SERPINA11: variants seen among roughly 807,000 people sequenced by gnomAD.
SERPINA11 encodes serpin A11.
SERPINA11 carries 28 observed loss-of-function variants against 29.4 expected under a neutral mutation model. That is an observed-to-expected ratio of 0.95 (90% CI 0.70 to 1.30). The LOEUF is 1.30. Among genes scored for constraint, SERPINA11 ranks in the 50% most tolerant of loss-of-function variants. The pLI is 0.00. For synonymous variants in SERPINA11, 253 were observed against 206.6 expected, an observed-to-expected ratio of 1.22 and a Z score of -1.92; for missense variants, 530 against 507.3, an observed-to-expected ratio of 1.04 and a Z score of -0.43.
chr14:94,448,610 G>A lies in SERPINA11; in HGVS notation c.165C>T (p.Thr55=). ...PAYHRITPTI[T]NFALRLYKEL... ...CTTTATACAAACGCAAAGCAAAATT[G>A]GTAATGGTGGGTGTGATTCTGTGGT... Residue 55 remains threonine (T), a synonymous_variant, in exon 2 of 5, where the codon ACC becomes ACT. Coordinates refer to ENST00000334708, the MANE Select transcript of SERPINA11 (RefSeq NM_001080451.2). 1.2e-6 allele frequency: 2 copies of A among 1,613,240 alleles called. No individual in the cohort carries two copies. The highest frequency in any genetic ancestry group is 1.1e-5 in the South Asian group (1 of 91,042).
chr14:94,442,573 T>G lies in SERPINA11; in HGVS notation c.*33A>C. 4.3e-4 allele frequency: 645 copies of G among 1,508,688 alleles called. No homozygotes were observed. The highest frequency in any genetic ancestry group is 5.2e-4 in the Non-Finnish European group (576 of 1,099,904). The allele number at this position is 1,508,688 out of a possible 1,614,324, so 93.5% of individuals were successfully genotyped here. ...TCTGGCCTATCTGTTTGGTCCAGGA[T>G]GAGATAAGATAACTCCTGGCCTCCC... On this transcript the variant is annotated 3_prime_UTR_variant, in exon 5 of 5. Transcript: ENST00000334708.
Position 94,442,553 on chromosome 14 carries a change from CCTAT to C in SERPINA11, c.*49_*52del, listed in dbSNP as rs1898360746. On this transcript the variant is annotated 3_prime_UTR_variant, in exon 5 of 5. Transcript: ENST00000334708. ...GCCCCAGGATGCAGGCTGGTTCTGG[CCTAT>C]CTGTTTGGTCCAGGATGAGATAAGA... The C allele has an allele frequency of 1.5e-6, 2 of 1,365,900 alleles. No individual in the cohort carries two copies. The highest frequency in any genetic ancestry group is 2.5e-5 in the East Asian group (1 of 40,558). 84.6% of individuals were successfully genotyped at this position (1,365,900 alleles called of 1,614,324 possible).
rs1406364002 is a variant in SERPINA11 at position 94,452,739 on chromosome 14, C to A, written c.-14G>T. On this transcript the variant is annotated 5_prime_UTR_variant, in exon 1 of 5. Transcript: ENST00000334708. The stretch of plus-strand genomic sequence containing the variant: ...AGGCAAAGTACTTACAGAGCAAAGG[C>A]ACTGAGCAGGGGCCCAGGTCTTCAG... The A allele has an allele frequency of 6.6e-6, 1 of 152,248 alleles. No individual in the cohort carries two copies. The highest frequency in any genetic ancestry group is 6.6e-5 in the Admixed American group (1 of 15,260). 9.4% of individuals were successfully genotyped at this position (152,248 alleles called of 1,614,324 possible). A position where few individuals can be genotyped will look rare whatever the true frequency, so the allele number is the denominator to read the frequency against.
intron 1 of SERPINA11, among the ~76,000 whole-genome samples, chr14:94,449,406 ATTCT>A (rs869124586): frequency 0.075 from 2,987 of 39,908 alleles, 26 homozygotes; most frequent in Non-Finnish European, 0.085. Context: ...CTTTCTTTCT[ATTCT>A]TTCTTTCTTT....
intron 3 of SERPINA11, among the ~76,000 whole-genome samples, chr14:94,445,475 A>G (rs1012713152): frequency 6.6e-6 from 1 of 152,236 alleles, no homozygotes; most frequent in Non-Finnish European, 1.5e-5. Context: ...GAGATCACAT[A>G]AAACAGGAAC....
Position 94,446,556 on chromosome 14 carries a change from CT to C in SERPINA11, c.691del (p.Ser231ValfsTer14). On this transcript the variant is annotated frameshift_variant, in exon 3 of 5. Coordinates refer to ENST00000334708, the MANE Select transcript of SERPINA11 (RefSeq NM_001080451.2). LOFTEE classifies it high-confidence loss of function. ...FSRYQTQKQE[S>X]FFVDERTSLQ... The stretch of plus-strand genomic sequence containing the variant: ...AGAAGTCCTCTCATCCACAAAGAAA[CT>C]TTCCTGCTTCTGGGTCTGGTAGCGA... The C allele has an allele frequency of 6.2e-7, 1 of 1,614,204 alleles. No individual in the cohort carries two copies. Among genetic ancestry groups the C allele is most frequent in the Middle Eastern group, 1.6e-4 (1 of 6,062 alleles).
intron 3 of SERPINA11, among the ~76,000 whole-genome samples, chr14:94,443,457 C>T (rs1898381266): frequency 6.6e-6 from 1 of 152,180 alleles, no homozygotes; most frequent in African/African-American, 2.4e-5. Flanking sequence ...GGACTCCAGG[C>T]ACAGCTACCT....
chr14:94,448,333 T>G lies in SERPINA11; in HGVS notation c.442A>C (p.Lys148Gln), dbSNP rs769570476. The G allele has an allele frequency of 1.2e-6, 2 of 1,614,232 alleles. No homozygotes were observed. The highest frequency in any genetic ancestry group is 2.2e-5 in the South Asian group (2 of 91,084). ...CTGTCCAAATAGTGCTGCCGAGGCT[T>G]TAGTCGCTTGTCTAGGAACAGGGAG... ...GNSLFLDKRL[K>Q]PRQHYLDSIK... The change falls in exon 2 of 5, where the codon AAG becomes CAG. Residue 148 changes from lysine (K) to glutamine (Q), a missense_variant. Lys to Gln is a moderately conservative substitution (Grantham distance 53). Coordinates refer to ENST00000334708, the MANE Select transcript of SERPINA11 (RefSeq NM_001080451.2).
In SERPINA11 at chr14:94,448,623, G is replaced by A; in HGVS notation, c.152C>T (p.Thr51Ile). The change falls in exon 2 of 5, where the codon ACA becomes ATA. Residue 51 changes from threonine (T) to isoleucine (I), a missense_variant. Physicochemically the swap from Thr to Ile is moderately conservative, Grantham distance 89. Transcript: ENST00000334708. ...CAAAGCAAAATTGGTAATGGTGGGT[G>A]TGATTCTGTGGTAGGCGGGGGCTGG... ...SEPAPAYHRI[T>I]PTITNFALRL... The A allele has an allele frequency of 5.0e-6, 8 of 1,611,082 alleles. No individual in the cohort carries two copies. The highest frequency in any genetic ancestry group is 5.9e-6 in the Non-Finnish European group (7 of 1,177,676).
chr14:94,445,485 C>A (rs1898416369), intron 3 of SERPINA11, among the ~76,000 whole-genome samples: 1 of 152,140 alleles, frequency 6.6e-6, no homozygotes, highest in African/African-American at 2.4e-5. Context: ...AAAACAGGAA[C>A]TTTAATGTTT....
chr14:94,446,709 C>T, intron 2 of SERPINA11, 105 bp from the exon 3 acceptor site: 1 of 1,164,384 alleles, frequency 8.6e-7, no homozygotes, highest in Non-Finnish European at 1.2e-6. Flanking sequence ...AAGTATGTGG[C>T]AAAAAATGTG....
chr14:94,449,790 G>A (rs1334833805), intron 1 of SERPINA11, among the ~76,000 whole-genome samples: 1 of 152,072 alleles, frequency 6.6e-6, no homozygotes, highest in Non-Finnish European at 1.5e-5. Flanking sequence ...CTATATATGT[G>A]ATGACAAATT....
intron 1 of SERPINA11, among the ~76,000 whole-genome samples, chr14:94,451,350 A>G (rs767781499): frequency 6.6e-6 from 1 of 152,200 alleles, no homozygotes; most frequent in Non-Finnish European, 1.5e-5. Context: ...TTTCTCCAGC[A>G]CAGTGTGGGT....
intron 3 of SERPINA11, among the ~76,000 whole-genome samples, chr14:94,444,029 T>G (rs1340869859): frequency 6.6e-6 from 1 of 152,192 alleles, no homozygotes; most frequent in African/African-American, 2.4e-5. Flanking sequence ...GAATTCAGGT[T>G]AGAGAATCGT....
rs1224619201 is a variant in SERPINA11, at chr14:94,446,396, C to G, written c.852G>C (p.Met284Ile). 6.2e-7 allele frequency: 1 copy of G among 1,614,066 alleles called. No homozygotes were observed. Among genetic ancestry groups the G allele is most frequent in the African/African-American group, 1.3e-5 (1 of 74,944 alleles). Residue 284 changes from methionine to isoleucine, a missense_variant, in exon 3 of 5, where the codon ATG (methionine) becomes ATC (isoleucine). Physicochemically the swap from Met to Ile is conservative, Grantham distance 10. Coordinates refer to ENST00000334708, the MANE Select transcript of SERPINA11 (RefSeq NM_001080451.2). ...GCTGCAGAGCAGCCTCCACCTGCTT[C>G]ATTTTCCCCGGGTCAGGGAGGACCA... ...ALLVLPDPGK[M>I]KQVEAALQPQ...
intron 1 of SERPINA11, among the ~76,000 whole-genome samples, chr14:94,450,682 CTTTAT>C (rs1898570897): frequency 6.6e-6 from 1 of 152,146 alleles, no homozygotes; most frequent in South Asian, 2.1e-4. Flanking sequence ...ATCTCTTGTG[CTTTAT>C]TTTAAGTTAC....
chr14:94,448,927 T>C (rs756117976), intron 1 of SERPINA11, 150 bp from the exon 2 acceptor site: 4 of 628,254 alleles, frequency 6.4e-6, no homozygotes, highest in Non-Finnish European at 9.8e-6. Context: ...TGATTAGGAT[T>C]CTGGACACTT....
At position 94,448,211 on chromosome 14, in the gene SERPINA11, T is replaced by A; in HGVS notation, c.564A>T (p.Thr188=). 1 of 1,614,250 alleles carries A rather than the reference T, an allele frequency of 6.2e-7. No individual in the cohort carries two copies. Among genetic ancestry groups the A allele is most frequent in the African/African-American group, 1.3e-5 (1 of 75,068 alleles). ...GGAGGCAGTCCACGACTTGCCCGTATGTTTGCCTTCTCAAATAGTCATTAA... is the reference window on the plus strand; with the variant it reads ...GGAGGCAGTCCACGACTTGCCCGTAAGTTTGCCTTCTCAAATAGTCATTAA... ...RQINDYLRRQ[T]YGQVVDCLPE... The change falls in exon 2 of 5, where the codon ACA becomes ACT. Residue 188 remains threonine (T), a synonymous_variant. Coordinates refer to ENST00000334708, the MANE Select transcript of SERPINA11 (RefSeq NM_001080451.2).
At chr14:94,447,193 G>T (rs550985606) in intron 2 of SERPINA11, among the ~76,000 whole-genome samples, 1 of 152,344 alleles carries the variant, frequency 6.6e-6, no homozygotes, top group African/African-American at 2.4e-5. Context: ...CATGCATTAG[G>T]CAAAAGCCCA....
Sources: allele counts gnomAD v4.1 joint callset (sites outside exome capture counted in the v4.1 genomes callset), GRCh38; gene constraint gnomAD v4.1.1; transcripts MANE v1.5; gene names NCBI Gene and HGNC (gene_info 2026-07-23, HGNC 2026-07-21).